ARHGAP44: variants seen among roughly 807,000 people sequenced by gnomAD.
The protein encoded by ARHGAP44 is rho GTPase-activating protein 44.
In ARHGAP44, 43 loss-of-function variants were observed where a neutral mutation model predicts 106.8. The observed-to-expected ratio is 0.40, with a 90% CI of 0.32 to 0.52. ARHGAP44 has a LOEUF of 0.52. Ranked by LOEUF, ARHGAP44 falls within the 20% of genes least tolerant of loss-of-function variation. The pLI is 0.48. For synonymous variants in ARHGAP44, 439 were observed against 410.3 expected, an observed-to-expected ratio of 1.07 and a Z score of -0.85; for missense variants, 866 against 1,050.5, an observed-to-expected ratio of 0.82 and a Z score of 2.43.
intron 1 of ARHGAP44, among the ~76,000 whole-genome samples, chr17:12,875,419 C>A (rs2150889544): frequency 6.6e-6 from 1 of 151,932 alleles, no homozygotes; most frequent in African/African-American, 2.4e-5. Flanking sequence ...CATAGCAAGG[C>A]CTTGTCTCTA....
At chr17:12,971,831 A>G (rs1487241299) in intron 16 of ARHGAP44, among the ~76,000 whole-genome samples, 1 of 152,142 alleles carries the variant, frequency 6.6e-6, no homozygotes, top group African/African-American at 2.4e-5. Context: ...CAATCGTACT[A>G]GACATGAGAA....
chr17:12,841,585 G>GTCTCTCTCTCTCTCTC lies in ARHGAP44; in HGVS notation c.53+51704_53+51705insTCTCTCTCTCTCTCTC, dbSNP rs146801593. On this transcript the variant is annotated intron_variant, in intron 1 of 20. Transcript: ENST00000379672. ...CAACAGAGTGAGACCCTGTCTCTCT[G>GTCTCTCTCTCTCTCTC]TCTCTCTCTCACACACACACACACA... 1.5e-4 allele frequency among the ~76,000 whole-genome samples: 19 copies of GTCTCTCTCTCTCTCTC among 123,208 alleles called. 1 individual carries two copies. The highest frequency in any genetic ancestry group is 6.5e-4 in the African/African-American group (18 of 27,892). The allele number at this position is 123,208 out of a possible 152,430, so 80.8% of individuals were successfully genotyped here.
At chr17:12,919,224 G>A (rs2038002273) in intron 5 of ARHGAP44, among the ~76,000 whole-genome samples, 1 of 152,068 alleles carries the variant, frequency 6.6e-6, no homozygotes, top group South Asian at 2.1e-4. Flanking sequence ...CACAATGTGT[G>A]CATATGAAAC....
intron 14 of ARHGAP44, 128 bp downstream of exon 14, chr17:12,956,108 T>A: frequency 1.5e-6 from 1 of 647,962 alleles, no homozygotes. Flanking sequence ...ATTTCTTTGT[T>A]GGCCTGCTCC....
At chr17:12,862,626 A>G (rs567517692) in intron 1 of ARHGAP44, among the ~76,000 whole-genome samples, 1 of 152,290 alleles carries the variant, frequency 6.6e-6, no homozygotes, top group African/African-American at 2.4e-5. Context: ...GGTTGGATGT[A>G]CAGAGTGTTC....
At chr17:12,876,425 C>A (rs2036557823) in intron 1 of ARHGAP44, among the ~76,000 whole-genome samples, 1 of 152,148 alleles carries the variant, frequency 6.6e-6, no homozygotes, top group South Asian at 2.1e-4. Context: ...CAGTCGTGTT[C>A]ATCTCTGTGT....
intron 1 of ARHGAP44, among the ~76,000 whole-genome samples, chr17:12,804,935 C>G (rs1271591107): frequency 6.6e-6 from 1 of 152,172 alleles, no homozygotes; most frequent in Non-Finnish European, 1.5e-5. Flanking sequence ...CTAGCTTCCT[C>G]CATCATTCTT....
intron 2 of ARHGAP44, among the ~76,000 whole-genome samples, chr17:12,895,849 A>C (rs537959064): frequency 6.6e-6 from 1 of 152,206 alleles, no homozygotes; most frequent in East Asian, 1.9e-4. Flanking sequence ...CTTGGAACCA[A>C]CCCAAATGTC....
intron 16 of ARHGAP44, among the ~76,000 whole-genome samples, chr17:12,971,697 G>T (rs2039531478): frequency 6.6e-6 from 1 of 152,132 alleles, no homozygotes; most frequent in South Asian, 2.1e-4. Context: ...TTGTTTATTG[G>T]TAGAAGGTTC....
chr17:12,972,664 T>TAA (rs1555565758), intron 16 of ARHGAP44, among the ~76,000 whole-genome samples: 1 of 43,956 alleles, frequency 2.3e-5, no homozygotes, highest in South Asian at 6.3e-4. Flanking sequence ...AATAAATAAA[T>TAA]ATTTTTTTTT....
At chr17:12,862,613 T>C (rs2036118943) in intron 1 of ARHGAP44, among the ~76,000 whole-genome samples, 1 of 152,164 alleles carries the variant, frequency 6.6e-6, no homozygotes, top group African/African-American at 2.4e-5. Flanking sequence ...TGTGAAATGA[T>C]GGGGTTGGAT....
At chr17:12,792,525 G>A (rs1054170897) in intron 1 of ARHGAP44, among the ~76,000 whole-genome samples, 44 of 152,124 alleles carry the variant, frequency 2.9e-4, no homozygotes, top group African/African-American at 9.9e-4. Flanking sequence ...AATGTTTTGG[G>A]TCATGATCCT....
intron 7 of ARHGAP44, among the ~76,000 whole-genome samples, chr17:12,930,347 C>T (rs2038362287): frequency 6.6e-6 from 1 of 152,022 alleles, no homozygotes; most frequent in South Asian, 2.1e-4. Flanking sequence ...GATTCTCCTG[C>T]CTCAGCCTCC....
intron 15 of ARHGAP44, 120 bp downstream of exon 15, chr17:12,956,866 A>AACACACAC (rs3076699): frequency 8.0e-6 from 5 of 621,926 alleles, no homozygotes; most frequent in African/African-American, 7.5e-5. Context: ...TTCCCCTATA[A>AACACACAC]ACACACACAC....
chr17:12,939,817 G>A (rs1050047875), intron 7 of ARHGAP44, among the ~76,000 whole-genome samples: 1 of 152,182 alleles, frequency 6.6e-6, no homozygotes, highest in African/African-American at 2.4e-5. Context: ...ACTGGACCAA[G>A]CATAACATTG....
chr17:12,878,839 T>C (rs952427151), intron 1 of ARHGAP44, among the ~76,000 whole-genome samples: 5 of 152,232 alleles, frequency 3.3e-5, no homozygotes, highest in Admixed American at 2.0e-4. Flanking sequence ...CTTTTGATCA[T>C]TAAATGAGTT....
At chr17:12,941,032 G>T (rs748342284) in intron 7 of ARHGAP44, 24 bp from the exon 8 acceptor site, 4 of 1,611,046 alleles carry the variant, frequency 2.5e-6, no homozygotes, top group Non-Finnish European at 3.4e-6. Context: ...GTTTTACCTT[G>T]GTTGTATATT....
At chr17:12,878,907 T>C (rs991464108) in intron 1 of ARHGAP44, among the ~76,000 whole-genome samples, 2 of 152,240 alleles carry the variant, frequency 1.3e-5, no homozygotes, top group Non-Finnish European at 2.9e-5. Context: ...GCATAAATCT[T>C]TTTCCTTCAA....
rs527378186 is a variant in ARHGAP44 at position 12,856,109 on chromosome 17, G to A, written c.54-38831G>A. Reference sequence around the variant, plus strand: ...TGTTGGGAGCCAAGGCTTCTCCATAGCTGAGGGGCCACATCTCCTATTTTC... The same window carrying A: ...TGTTGGGAGCCAAGGCTTCTCCATAACTGAGGGGCCACATCTCCTATTTTC... On this transcript the variant is annotated intron_variant, in intron 1 of 20. Coordinates refer to ENST00000379672, the MANE Select transcript of ARHGAP44 (RefSeq NM_014859.6). 7.9e-5 allele frequency among the ~76,000 whole-genome samples: 12 copies of A among 152,328 alleles called. No individual in the cohort carries two copies. The South Asian group carries it at 2.1e-3, about 26-fold the overall frequency.
Sources: allele counts gnomAD v4.1 joint callset (sites outside exome capture counted in the v4.1 genomes callset), GRCh38; gene constraint gnomAD v4.1.1; transcripts MANE v1.5; gene names NCBI Gene and HGNC (gene_info 2026-07-23, HGNC 2026-07-21).